DCAF8L2: variants seen among roughly 807,000 people sequenced by gnomAD.
DCAF8L2 encodes DDB1 and CUL4 associated factor 8 like 2.
For missense variants in DCAF8L2, 430 were observed against 490.7 expected (o/e 0.88, Z 1.17); for synonymous variants, 200 against 190.9 (o/e 1.05, Z -0.39).
At chrX:27,522,832 G>A in the DCAF8L2 span, among the ~76,000 whole-genome samples, 13 of 111,260 alleles carry the variant, frequency 1.2e-4, no homozygotes, top group South Asian at 3.8e-4. Context: ...GTATTGACAT[G>A]AAGCAAGTAG....
At chrX:27,645,780 G>T (rs1473801207) in intron 2 of DCAF8L2, among the ~76,000 whole-genome samples, 1 of 110,714 alleles carries the variant, frequency 9.0e-6, no homozygotes, top group Non-Finnish European at 1.9e-5. Flanking sequence ...CAACAGACAA[G>T]CAGAGAGCCA....
chrX:27,607,538 T>G (rs1926964880), intron 1 of DCAF8L2, among the ~76,000 whole-genome samples: 1 of 111,577 alleles, frequency 9.0e-6, no homozygotes, highest in Non-Finnish European at 1.9e-5. Context: ...CTATGACTAT[T>G]TAACAGAGAA....
chrX:27,526,874 G>A, the DCAF8L2 span, among the ~76,000 whole-genome samples: 3 of 112,322 alleles, frequency 2.7e-5, no homozygotes, highest in Non-Finnish European at 5.6e-5. Flanking sequence ...CTGTTTGATC[G>A]TTCCTCTGGA....
chrX:27,670,120 G>A (rs191601366), intron 2 of DCAF8L2, among the ~76,000 whole-genome samples: 1 of 100,294 alleles, frequency 1.0e-5, no homozygotes. Flanking sequence ...TTTTTTGTTT[G>A]TTTTTTTTTT....
At chrX:27,607,267 G>A (rs1926951059) in intron 1 of DCAF8L2, among the ~76,000 whole-genome samples, 1 of 111,935 alleles carries the variant, frequency 8.9e-6, no homozygotes, top group Non-Finnish European at 1.9e-5. Context: ...AATAAATAAT[G>A]TGGGTTTGGT....
the DCAF8L2 span, among the ~76,000 whole-genome samples, chrX:27,477,862 A>C: frequency 1.8e-5 from 2 of 111,664 alleles, no homozygotes; most frequent in South Asian, 3.7e-4. Context: ...CTTCATCTTA[A>C]ACTTCAAGTA....
At chrX:27,550,370 C>T in the DCAF8L2 span, among the ~76,000 whole-genome samples, 3 of 110,919 alleles carry the variant, frequency 2.7e-5, no homozygotes, top group Non-Finnish European at 5.7e-5. Flanking sequence ...TGTCCATCAC[C>T]TCAAACCTTG....
In DCAF8L2 at chrX:27,636,110, C is replaced by G. The variant is rs1006082213; in HGVS notation, c.-220+4110C>G. Among the ~76,000 whole-genome samples, 5 of 111,193 alleles carry G rather than the reference C, an allele frequency of 4.5e-5. 1 individual carries two copies. In the Admixed American group the frequency reaches 4.8e-4, roughly 11 times the overall value. On this transcript the variant is annotated intron_variant, in intron 2 of 4. Transcript: ENST00000451261. ...GGGATTACAGGTGTGAGCCACCGTG[C>G]CCGGCCAGAAATTTCTATTAATGTC...
the DCAF8L2 span, among the ~76,000 whole-genome samples, chrX:27,481,067 C>A: frequency 9.0e-6 from 1 of 111,360 alleles, no homozygotes; most frequent in Admixed American, 9.6e-5. Flanking sequence ...TTTTACAGGG[C>A]TTTAGTCCAT....
chrX:27,664,994 G>T (rs1016937507), intron 2 of DCAF8L2, among the ~76,000 whole-genome samples: 5 of 110,876 alleles, frequency 4.5e-5, no homozygotes, highest in African/African-American at 1.6e-4. Flanking sequence ...GATTAATATT[G>T]TTCTCATACC....
At chrX:27,511,029 A>G in the DCAF8L2 span, among the ~76,000 whole-genome samples, 1 of 111,168 alleles carries the variant, frequency 9.0e-6, no homozygotes, top group African/African-American at 3.3e-5. Flanking sequence ...AATATTCAGA[A>G]GATTCAGCTA....
rs1342142038 is a variant in DCAF8L2, at chrX:27,746,982, C to T, written c.87C>T (p.Ala29=). Residue 29 remains alanine (A), a synonymous_variant, in exon 5 of 5, where the codon GCC becomes GCT. Coordinates refer to ENST00000451261, the MANE Select transcript of DCAF8L2 (RefSeq NM_001353450.2). ...GCAGCCCAGAGGAGCAGTCTGGAGC[C>T]GTGGCGGCGACAGAGGCCTCCTCAG... is the stretch of plus-strand genomic sequence containing the variant. ...LFSSPEEQSG[A]VAATEASSDI... 6 of 1,195,243 alleles carry T rather than the reference C, an allele frequency of 5.0e-6. No individual in the cohort carries two copies. The highest frequency in any genetic ancestry group is 5.6e-6 in the Non-Finnish European group (5 of 887,665).
At chrX:27,564,878 G>A in the DCAF8L2 span, among the ~76,000 whole-genome samples, 8 of 109,131 alleles carry the variant, frequency 7.3e-5, no homozygotes, top group Admixed American at 7.9e-4. Context: ...AGAAACGGGG[G>A]TGTCCCTATG....
intron 4 of DCAF8L2, among the ~76,000 whole-genome samples, chrX:27,725,322 T>C (rs907241846): frequency 9.0e-6 from 1 of 110,940 alleles, no homozygotes; most frequent in African/African-American, 3.3e-5. Flanking sequence ...GCCCAAGGAA[T>C]GCATTTCCCT....
the DCAF8L2 span, among the ~76,000 whole-genome samples, chrX:27,502,558 A>G: frequency 1.9e-5 from 2 of 105,820 alleles, no homozygotes; most frequent in Non-Finnish European, 3.9e-5. Context: ...CATCTTATGC[A>G]ATTTGCTGAT....
At chrX:27,729,764 C>A (rs1236385970) in intron 4 of DCAF8L2, among the ~76,000 whole-genome samples, 1 of 111,996 alleles carries the variant, frequency 8.9e-6, no homozygotes, top group Non-Finnish European at 1.9e-5. Flanking sequence ...AAGCTGCTAC[C>A]TCCTAATACC....
chrX:27,704,584 T>C (rs1212970661), intron 3 of DCAF8L2, among the ~76,000 whole-genome samples: 1 of 109,995 alleles, frequency 9.1e-6, no homozygotes, highest in Non-Finnish European at 1.9e-5. Context: ...AGTCTGGAGA[T>C]TTAATGTACA....
chrX:27,723,067 A>C (rs1931953378), intron 4 of DCAF8L2, among the ~76,000 whole-genome samples: 1 of 110,745 alleles, frequency 9.0e-6, no homozygotes, highest in Non-Finnish European at 1.9e-5. Context: ...AATCTGAAAT[A>C]AAACTATAGG....
chrX:27,657,217 T>G (rs1929387191), intron 2 of DCAF8L2, among the ~76,000 whole-genome samples: 1 of 111,113 alleles, frequency 9.0e-6, no homozygotes, highest in Non-Finnish European at 1.9e-5. Context: ...CCTATTAGTT[T>G]TGTCCCTCTA....
Sources: allele counts gnomAD v4.1 joint callset (sites outside exome capture counted in the v4.1 genomes callset), GRCh38; gene constraint gnomAD v4.1.1; transcripts MANE v1.5; gene names NCBI Gene and HGNC (gene_info 2026-07-23, HGNC 2026-07-21).